The following PDE4D variants were observed in gnomAD, a reference collection of about 807,000 sequenced individuals.
PDE4D encodes the protein phosphodiesterase 4D, also known as 3',5'-cyclic-AMP phosphodiesterase 4D.
A neutral mutation model predicts 87.4 loss-of-function variants in PDE4D; 24 were observed. The ratio of observed to expected loss-of-function variants is 0.27; its 90% confidence interval spans 0.20 to 0.39. The LOEUF is 0.39. PDE4D is among the 10% of genes least tolerant of loss of function. The pLI, the probability that PDE4D is intolerant of heterozygous loss-of-function variation, is 1.00. For missense variants in PDE4D, 714 were observed against 1,041.0 expected, an observed-to-expected ratio of 0.69 and a Z score of 4.32; for synonymous variants, 384 against 383.2, an observed-to-expected ratio of 1.00 and a Z score of -0.02.
At chr5:60,195,101 T>C (rs900535300) in intron 1 of PDE4D, among the ~76,000 whole-genome samples, 1 of 151,634 alleles carries the variant, frequency 6.6e-6, no homozygotes, top group African/African-American at 2.4e-5. Context: ...GCCATGCTCT[T>C]CTTCCTTTGT....
At chr5:59,113,414 A>G (rs1773023728) in intron 5 of PDE4D, among the ~76,000 whole-genome samples, 1 of 152,244 alleles carries the variant, frequency 6.6e-6, no homozygotes, top group African/African-American at 2.4e-5. Flanking sequence ...GGATTCCATT[A>G]TTAAATTGAT....
At chr5:59,559,088 T>C (rs1819485279) in intron 1 of PDE4D, among the ~76,000 whole-genome samples, 1 of 152,174 alleles carries the variant, frequency 6.6e-6, no homozygotes, top group African/African-American at 2.4e-5. Context: ...CTCTGTGCTC[T>C]GTGGTCATGA....
At chr5:59,632,631 C>A (rs1831718495) in intron 1 of PDE4D, among the ~76,000 whole-genome samples, 1 of 152,096 alleles carries the variant, frequency 6.6e-6, no homozygotes, top group Non-Finnish European at 1.5e-5. Flanking sequence ...AGCAAACCTG[C>A]AGAAGAGGGG....
At chr5:59,561,930 C>A (rs1453582533) in intron 1 of PDE4D, among the ~76,000 whole-genome samples, 11 of 138,996 alleles carry the variant, frequency 7.9e-5, no homozygotes, top group African/African-American at 8.0e-5. Flanking sequence ...GAAACGCTGT[C>A]AAAAAAAAAA....
rs1311741927 is a variant in PDE4D, at chr5:59,244,688, G to C, written c.456-28720C>G. On this transcript the variant is annotated intron_variant, in intron 1 of 14. Transcript: ENST00000340635. ...TATGTATGTGTGTGTGTCTGTGTGT[G>C]TGTGTGTGTGTGTGTGTGTGTGTGT... is the stretch of plus-strand genomic sequence containing the variant. 4.8e-3 allele frequency among the ~76,000 whole-genome samples: 678 copies of C among 140,408 alleles called. 7 individuals carry two copies. Among genetic ancestry groups the C allele is most frequent in the African/African-American group, 0.016 (608 of 37,566 alleles). 92.1% of individuals were successfully genotyped at this position (140,408 alleles called of 152,430 possible). A position where few individuals can be genotyped will look rare whatever the true frequency, so the allele number is the denominator to read the frequency against.
At chr5:59,417,471 A>G (rs1793801612) in intron 1 of PDE4D, among the ~76,000 whole-genome samples, 1 of 152,176 alleles carries the variant, frequency 6.6e-6, no homozygotes, top group African/African-American at 2.4e-5. Context: ...GTCTAGCCAA[A>G]CAAAACAACT....
At chr5:59,302,424 G>A (rs1770447431) in intron 1 of PDE4D, among the ~76,000 whole-genome samples, 1 of 151,886 alleles carries the variant, frequency 6.6e-6, no homozygotes, top group Non-Finnish European at 1.5e-5. Flanking sequence ...GGTATATTTA[G>A]TTATATAAGT....
intron 1 of PDE4D, among the ~76,000 whole-genome samples, chr5:60,452,145 T>G (rs1746144273): frequency 1.3e-5 from 2 of 152,216 alleles, no homozygotes; most frequent in Middle Eastern, 3.4e-3. Flanking sequence ...CCTCAGGATT[T>G]GGATGTCCTA....
intron 2 of PDE4D, among the ~76,000 whole-genome samples, chr5:60,024,633 T>G (rs182889537): frequency 1.2e-4 from 18 of 152,248 alleles, no homozygotes; most frequent in Admixed American, 3.9e-4. Context: ...AGCACAATTA[T>G]GGAACTCCAA....
At chr5:60,062,867 G>A (rs1417491453) in intron 2 of PDE4D, among the ~76,000 whole-genome samples, 3 of 151,830 alleles carry the variant, frequency 2.0e-5, no homozygotes, top group Non-Finnish European at 4.4e-5. Flanking sequence ...TTGAACAATG[G>A]GAACACATGG....
intron 5 of PDE4D, among the ~76,000 whole-genome samples, chr5:59,116,678 C>T (rs1233836529): frequency 6.6e-5 from 10 of 152,140 alleles, no homozygotes; most frequent in Non-Finnish European, 1.0e-4. Context: ...AAAGGAGATA[C>T]CAACCCAGAG....
At chr5:60,321,119 C>G (rs535494484) in intron 1 of PDE4D, among the ~76,000 whole-genome samples, 83 of 152,274 alleles carry the variant, frequency 5.5e-4, no homozygotes, top group African/African-American at 1.9e-3. Flanking sequence ...ATGAATAAAG[C>G]TAGAGGCATC....
intron 1 of PDE4D, among the ~76,000 whole-genome samples, chr5:59,435,419 GT>G (rs1015222451): frequency 1.3e-5 from 2 of 152,186 alleles, no homozygotes; most frequent in African/African-American, 2.4e-5. Context: ...TACACAGTCT[GT>G]TCTTCTGGCC....
intron 3 of PDE4D, among the ~76,000 whole-genome samples, chr5:59,946,613 C>A (rs1757748322): frequency 6.6e-6 from 1 of 152,176 alleles, no homozygotes; most frequent in Admixed American, 6.5e-5. Context: ...ACTATAGAAG[C>A]CATTTGCTCT....
chr5:59,275,423 A>T, intron 1 of PDE4D: 1 of 1,595,288 alleles, frequency 6.3e-7, no homozygotes, highest in Non-Finnish European at 8.5e-7. Flanking sequence ...AATAAAAAGG[A>T]AAATAAGTCT....
intron 1 of PDE4D, among the ~76,000 whole-genome samples, chr5:60,362,773 C>T (rs914318111): frequency 1.3e-5 from 2 of 151,420 alleles, no homozygotes; most frequent in Non-Finnish European, 2.9e-5. Flanking sequence ...GCAGAAGAAT[C>T]GCTTGAACCT....
chr5:60,029,582 T>C (rs1275921578), intron 2 of PDE4D, among the ~76,000 whole-genome samples: 1 of 152,204 alleles, frequency 6.6e-6, no homozygotes, highest in Non-Finnish European at 1.5e-5. Context: ...TTGTCAGGAC[T>C]TCCTGAGGCT....
intron 6 of PDE4D, among the ~76,000 whole-genome samples, chr5:59,016,271 T>C (rs1227766568): frequency 6.7e-6 from 1 of 148,888 alleles, no homozygotes; most frequent in Non-Finnish European, 1.5e-5. Flanking sequence ...GAACTTAAAG[T>C]GTAATAAAAA....
intron 5 of PDE4D, among the ~76,000 whole-genome samples, chr5:59,046,985 C>G (rs979449745): frequency 6.6e-6 from 1 of 152,158 alleles, no homozygotes; most frequent in Non-Finnish European, 1.5e-5. Context: ...AGCTACTAAT[C>G]TTTCTAGGGC....
Sources: gnomAD v4.1 joint callset for allele counts (sites outside exome capture counted in the v4.1 genomes callset) on GRCh38, gnomAD v4.1.1 for gene constraint, MANE v1.5 for transcripts, NCBI Gene and HGNC (gene_info 2026-07-23, HGNC 2026-07-21) for gene names.